The following FAM83F variants were observed in gnomAD, a reference collection of about 807,000 sequenced individuals.
The protein encoded by FAM83F is scaffolding CK1 anchoring protein F.
Under a neutral mutation model 42.9 loss-of-function variants are expected in FAM83F, and 45 were observed. That is an observed-to-expected ratio of 1.05 (90% confidence interval 0.83 to 1.35). The LOEUF is 1.35. FAM83F is among the 40% of genes most tolerant of loss of function. The pLI, the probability that FAM83F is intolerant of heterozygous loss-of-function variation, is 0.00. For synonymous variants in FAM83F, 306 were observed against 298.3 expected, an observed-to-expected ratio of 1.03 and a Z score of -0.27; for missense variants, 617 against 695.9, an observed-to-expected ratio of 0.89 and a Z score of 1.28.
chr22:40,012,684 C>T (rs964275110), intron 1 of FAM83F, among the ~76,000 whole-genome samples: 11 of 147,872 alleles, frequency 7.4e-5, no homozygotes, highest in African/African-American at 2.5e-4. Flanking sequence ...GCACAAGAAT[C>T]GCTTGAACCT....
chr22:40,040,969 G>C lies in FAM83F; in HGVS notation c.*11404G>C, dbSNP rs11704416. 0.21 allele frequency: 31,285 copies of C among 152,198 alleles called. 3,407 individuals are homozygous for C. The highest frequency in any genetic ancestry group is 0.3 in the South Asian group (1,451 of 4,824). The allele number at this position is 152,198 out of a possible 1,614,324, so 9.4% of individuals were successfully genotyped here. A position where few individuals can be genotyped will look rare whatever the true frequency, so the allele number is the denominator to read the frequency against. ...CAGCTTGCTATCCCCCCTTCCCCCA[G>C]CTTGTGGGTTATTGCAGAATTGTTC... On this transcript the variant is annotated 3_prime_UTR_variant, in exon 5 of 5. Coordinates refer to ENST00000333407, the MANE Select transcript of FAM83F (RefSeq NM_138435.4).
Position 40,023,875 on chromosome 22 carries a change from C to T in FAM83F, c.1453+1912C>T, listed in dbSNP as rs1030561232. Reference sequence around the variant, plus strand: ...TCCCGTTCCTTGTCCGTCCTTTAGACGAACACAGAGCAGCCTCCTCCGGTA... The same window carrying T: ...TCCCGTTCCTTGTCCGTCCTTTAGATGAACACAGAGCAGCCTCCTCCGGTA... On this transcript the variant is annotated intron_variant, in intron 4 of 4. Coordinates refer to ENST00000333407, the MANE Select transcript of FAM83F (RefSeq NM_138435.4). This position sits in a 1 kb window ranked among gnomAD's most constrained non-coding sequence, Gnocchi z 4.1. 6.6e-5 allele frequency among the ~76,000 whole-genome samples: 10 copies of T among 152,302 alleles called. No homozygotes were observed. The highest frequency in any genetic ancestry group is 1.2e-4 in the Non-Finnish European group (8 of 68,020).
chr22:40,009,277 C>G (rs2067451116), intron 1 of FAM83F, among the ~76,000 whole-genome samples: 1 of 152,148 alleles, frequency 6.6e-6, no homozygotes, highest in Non-Finnish European at 1.5e-5. Flanking sequence ...CCGAGATCAG[C>G]AAGCTTGGCC....
Position 40,021,742 on chromosome 22 carries a change from T to G in FAM83F, c.1232T>G (p.Leu411Arg), listed in dbSNP as rs752850072. The G allele has an allele frequency of 6.2e-7, 1 of 1,612,850 alleles. No homozygotes were observed. Among genetic ancestry groups the G allele is most frequent in the South Asian group, 1.1e-5 (1 of 91,072 alleles). ...ATGGTCTCTCACATGCACAGAGACC[T>G]GAAGCCCAAATCCCGAGAGGCACCC... ...GRMVSHMHRD[L>R]KPKSREAPSR... The change falls in exon 4 of 5, where the codon CTG becomes CGG. Residue 411 changes from leucine to arginine, a missense_variant. Coordinates refer to ENST00000333407, the MANE Select transcript of FAM83F (RefSeq NM_138435.4). The surrounding 1 kb of genome is among the most constrained non-coding windows in gnomAD (Gnocchi z 8.7).
Position 40,042,572 on chromosome 22 carries a change from C to T in FAM83F, c.*13007C>T, listed in dbSNP as rs1381889083. 1 of 152,218 alleles carries T rather than the reference C, an allele frequency of 6.6e-6. No individual in the cohort carries two copies. The highest frequency in any genetic ancestry group is 1.5e-5 in the Non-Finnish European group (1 of 68,062). 9.4% of individuals were successfully genotyped at this position (152,218 alleles called of 1,614,324 possible). ...TCTCACAGCACTGCATCATGGTTAT[C>T]TGCTTATCTGCTGGACACCCCTACT... On this transcript the variant is annotated 3_prime_UTR_variant, in exon 5 of 5. Transcript: ENST00000333407.
intron 1 of FAM83F, among the ~76,000 whole-genome samples, chr22:40,008,397 C>A (rs1383185856): frequency 2.0e-5 from 3 of 152,212 alleles, no homozygotes; most frequent in African/African-American, 7.2e-5. Context: ...ATTTACCCAT[C>A]GCTCACAGCA....
intron 1 of FAM83F, among the ~76,000 whole-genome samples, chr22:40,014,501 C>T (rs1185510992): frequency 6.6e-6 from 1 of 152,068 alleles, no homozygotes; most frequent in Non-Finnish European, 1.5e-5. Flanking sequence ...ACTTTACTTG[C>T]TTATGGTATA....
In FAM83F at chr22:40,031,520, C is replaced by G. The variant is rs2067587588; in HGVS notation, c.*1955C>G. 1 of 152,286 alleles carries G rather than the reference C, an allele frequency of 6.6e-6. No homozygotes were observed. Among genetic ancestry groups the G allele is most frequent in the South Asian group, 2.1e-4 (1 of 4,824 alleles). 9.4% of individuals were successfully genotyped at this position (152,286 alleles called of 1,614,324 possible). ...GGCCCAAAGCACACCCAGGTCCCTCCCCTGCCCTGACATCTAATCTGGGAG... is the reference window on the plus strand; with the variant it reads ...GGCCCAAAGCACACCCAGGTCCCTCGCCTGCCCTGACATCTAATCTGGGAG... On this transcript the variant is annotated 3_prime_UTR_variant, in exon 5 of 5. Coordinates refer to ENST00000333407, the MANE Select transcript of FAM83F (RefSeq NM_138435.4).
chr22:39,998,975 G>A (rs1447041972), intron 1 of FAM83F: 1 of 152,240 alleles, frequency 6.6e-6, no homozygotes, highest in Admixed American at 6.5e-5. Flanking sequence ...TGCAAAGCCA[G>A]AGTAAGGGGA....
intron 1 of FAM83F, among the ~76,000 whole-genome samples, chr22:40,003,143 G>A: frequency 6.6e-6 from 1 of 152,154 alleles, no homozygotes; most frequent in East Asian, 1.9e-4. Context: ...GTACACAACT[G>A]CCAGCTGGTC....
Position 39,995,002 on chromosome 22 carries a change from GGC to G in FAM83F, c.-39_-38del. The G allele has an allele frequency of 8.1e-7, 1 of 1,235,514 alleles. No individual in the cohort carries two copies. Among genetic ancestry groups the G allele is most frequent in the Non-Finnish European group, 1.0e-6 (1 of 991,026 alleles). The allele number at this position is 1,235,514 out of a possible 1,614,324, so 76.5% of individuals were successfully genotyped here. On this transcript the variant is annotated 5_prime_UTR_variant, in exon 1 of 5. Coordinates refer to ENST00000333407, the MANE Select transcript of FAM83F (RefSeq NM_138435.4). This position sits in a 1 kb window ranked among gnomAD's most constrained non-coding sequence, Gnocchi z 4.6. ...GTGCGGCTGTGGGACCTCGGACCGC[GGC>G]GGGGCCGGGGCCAGGGCCGGGGCCG...
intron 4 of FAM83F, among the ~76,000 whole-genome samples, chr22:40,025,402 G>A (rs1185090294): frequency 6.6e-6 from 1 of 152,158 alleles, no homozygotes; most frequent in Non-Finnish European, 1.5e-5. Flanking sequence ...CTGGACGACA[G>A]AGAGACCCTG....
At chr22:40,004,450 G>T (rs1380538739) in intron 1 of FAM83F, among the ~76,000 whole-genome samples, 1 of 152,020 alleles carries the variant, frequency 6.6e-6, no homozygotes, top group Non-Finnish European at 1.5e-5. Flanking sequence ...CTACAGGCGT[G>T]TGCCACCACA....
intron 1 of FAM83F, among the ~76,000 whole-genome samples, chr22:40,010,735 C>A (rs2067458500): frequency 6.6e-6 from 1 of 152,308 alleles, no homozygotes; most frequent in South Asian, 2.1e-4. Context: ...AATGAGAGGA[C>A]AGTGAACTCT....
intron 1 of FAM83F, among the ~76,000 whole-genome samples, chr22:39,998,269 G>A (rs576820699): frequency 3.3e-5 from 5 of 152,188 alleles, no homozygotes; most frequent in South Asian, 2.1e-4. Context: ...GGGAACTGCC[G>A]AGGGGAGGCA....
In FAM83F at chr22:40,037,862, CA is replaced by C. The variant is rs2067634216; in HGVS notation, c.*8298del. 2 of 151,762 alleles carry C rather than the reference CA, an allele frequency of 1.3e-5. No homozygotes were observed. The allele number at this position is 151,762 out of a possible 1,614,324, so 9.4% of individuals were successfully genotyped here. A position where few individuals can be genotyped will look rare whatever the true frequency, so the allele number is the denominator to read the frequency against. ...CCTCCCAAGTAGCTGGGACTACAGG[CA>C]TGCACCACCCTGCCCAGCTAATTAA... On this transcript the variant is annotated 3_prime_UTR_variant, in exon 5 of 5. Transcript: ENST00000333407.
chr22:40,004,011 G>A (rs1185883354), intron 1 of FAM83F, among the ~76,000 whole-genome samples: 3 of 152,012 alleles, frequency 2.0e-5, no homozygotes, highest in Admixed American at 6.5e-5. Context: ...TGAGTTTCCC[G>A]AACTCACCCG....
In FAM83F at chr22:40,021,553, A is replaced by G. The variant is rs1021836776; in HGVS notation, c.1043A>G (p.Gln348Arg). The G allele has an allele frequency of 6.4e-7, 1 of 1,564,236 alleles. No individual in the cohort carries two copies. The highest frequency in any genetic ancestry group is 8.7e-7 in the Non-Finnish European group (1 of 1,150,298). ...ATGATGCGCTGGGCTGCCCGGCAAC[A>G]GCGGGAGGCGGGCGGCAACCCGGAG... ...GEMMRWAARQ[Q>R]REAGGNPEGQ... Residue 348 changes from glutamine to arginine, a missense_variant, in exon 4 of 5, where the codon CAG (glutamine) becomes CGG (arginine). Gln to Arg is a conservative substitution (Grantham distance 43). Transcript: ENST00000333407. The surrounding 1 kb of genome is among the most constrained non-coding windows in gnomAD (Gnocchi z 8.7).
chr22:40,010,345 C>A (rs991173944), intron 1 of FAM83F, among the ~76,000 whole-genome samples: 7 of 152,156 alleles, frequency 4.6e-5, no homozygotes, highest in Non-Finnish European at 1.0e-4. Flanking sequence ...CCTGACACTG[C>A]GGAGCTGAAT....
Sources: allele counts gnomAD v4.1 joint callset (sites outside exome capture counted in the v4.1 genomes callset), GRCh38; gene constraint gnomAD v4.1.1; non-coding constraint Gnocchi (gnomAD v3.1); transcripts MANE v1.5; gene names NCBI Gene and HGNC (gene_info 2026-07-23, HGNC 2026-07-21).